The following FHIT variants were observed in gnomAD, a reference collection of about 807,000 sequenced individuals.
FHIT encodes the protein bis(5'-adenosyl)-triphosphatase.
Under a neutral mutation model 17.9 loss-of-function variants are expected in FHIT, and 19 were observed. That is an observed-to-expected ratio of 1.06 (90% CI 0.74 to 1.56). The LOEUF (loss-of-function observed/expected upper bound fraction) is 1.56, where lower values mean the gene tolerates loss of function less well. Ranked by LOEUF, FHIT falls within the 40% of genes most tolerant of loss-of-function variation. The pLI is 0.00. For missense variants in FHIT, 248 were observed against 189.2 expected (o/e 1.31, Z -1.82); for synonymous variants, 81 against 69.7 (o/e 1.16, Z -0.81).
rs187249236 is a variant in FHIT at position 60,883,079 on chromosome 3, T to G, written c.-110-61068A>C. Reference sequence around the variant, plus strand: ...TTTCTATACACCAACAATGAACTAGTGAAAAAATAAAGCAAGAAAGCAACC... The same window carrying G: ...TTTCTATACACCAACAATGAACTAGGGAAAAAATAAAGCAAGAAAGCAACC... On this transcript the variant is annotated intron_variant, in intron 3 of 9. Coordinates refer to ENST00000492590, the MANE Select transcript of FHIT (RefSeq NM_002012.4). Among the ~76,000 whole-genome samples, 11 of 151,724 alleles carry G rather than the reference T, an allele frequency of 7.3e-5. No homozygotes were observed. The East Asian group carries it at 1.7e-3, about 24-fold the overall frequency.
At chr3:60,361,972 A>G (rs7616522) in intron 5 of FHIT, among the ~76,000 whole-genome samples, 14,099 of 152,112 alleles carry the variant, frequency 0.093, 2,173 homozygotes, top group African/African-American at 0.32. Flanking sequence ...ACACAAGTCA[A>G]CTCAAGATGT....
chr3:60,934,663 A>G (rs1461524453), intron 3 of FHIT, among the ~76,000 whole-genome samples: 1 of 152,224 alleles, frequency 6.6e-6, no homozygotes, highest in Non-Finnish European at 1.5e-5. Context: ...CTAAATCTCA[A>G]AGGAGTATCC....
intron 7 of FHIT, among the ~76,000 whole-genome samples, chr3:59,996,149 C>T (rs757151048): frequency 2.0e-5 from 3 of 152,100 alleles, no homozygotes; most frequent in East Asian, 3.9e-4. Context: ...CCTCCCCATT[C>T]GTGCTCTTAT....
At chr3:60,715,747 T>C (rs1410926737) in intron 4 of FHIT, among the ~76,000 whole-genome samples, 2 of 152,060 alleles carry the variant, frequency 1.3e-5, no homozygotes, top group Non-Finnish European at 2.9e-5. Context: ...ATTGTGCTCA[T>C]GTACCCTAAA....
At chr3:60,612,890 T>C (rs2107735256) in intron 4 of FHIT, among the ~76,000 whole-genome samples, 1 of 152,274 alleles carries the variant, frequency 6.6e-6, no homozygotes, top group East Asian at 1.9e-4. Context: ...ATGCAGTATC[T>C]CAGGTAACTG....
At chr3:59,754,910 G>T (rs577876220) in intron 8 of FHIT, among the ~76,000 whole-genome samples, 2 of 152,166 alleles carry the variant, frequency 1.3e-5, no homozygotes, top group South Asian at 2.1e-4. Flanking sequence ...AACCCTGGTT[G>T]GTTGCCCACT....
chr3:60,173,197 A>G (rs1164603401), intron 5 of FHIT, among the ~76,000 whole-genome samples: 1 of 152,130 alleles, frequency 6.6e-6, no homozygotes, highest in Admixed American at 6.6e-5. Context: ...TCTCAGGTTG[A>G]AAGATCATGA....
intron 3 of FHIT, among the ~76,000 whole-genome samples, chr3:60,867,340 C>A (rs1480377972): frequency 6.6e-6 from 1 of 152,064 alleles, no homozygotes; most frequent in Non-Finnish European, 1.5e-5. Flanking sequence ...CACAAAGATG[C>A]AAATATGTAT....
chr3:59,810,943 T>G (rs894722076), intron 8 of FHIT, among the ~76,000 whole-genome samples: 2 of 152,240 alleles, frequency 1.3e-5, no homozygotes, highest in African/African-American at 4.8e-5. Context: ...AAAACATGTC[T>G]GTTGAAAGTG....
intron 5 of FHIT, among the ~76,000 whole-genome samples, chr3:60,518,994 G>A (rs1341396202): frequency 6.6e-6 from 1 of 152,190 alleles, no homozygotes; most frequent in Admixed American, 6.5e-5. Context: ...AACAGAGTGA[G>A]ACTGTCTAAA....
chr3:59,889,029 A>C (rs1335001260), intron 8 of FHIT, among the ~76,000 whole-genome samples: 2 of 152,228 alleles, frequency 1.3e-5, no homozygotes, highest in African/African-American at 4.8e-5. Context: ...CAGGGCCCTC[A>C]TAACCTAATC....
chr3:60,395,309 T>G (rs917312516), intron 5 of FHIT, among the ~76,000 whole-genome samples: 1 of 152,154 alleles, frequency 6.6e-6, no homozygotes, highest in African/African-American at 2.4e-5. Context: ...GAGCATTTTA[T>G]ATGGACTGTC....
At chr3:59,888,924 G>A (rs1703738321) in intron 8 of FHIT, among the ~76,000 whole-genome samples, 1 of 152,166 alleles carries the variant, frequency 6.6e-6, no homozygotes, top group African/African-American at 2.4e-5. Context: ...CATGGTGAAA[G>A]GCATCACATA....
At chr3:60,102,413 G>A (rs556436140) in intron 5 of FHIT, among the ~76,000 whole-genome samples, 3 of 152,144 alleles carry the variant, frequency 2.0e-5, no homozygotes, top group Non-Finnish European at 4.4e-5. Context: ...TGCAACATGG[G>A]GCGAGTAAGC....
At chr3:60,020,216 A>T (rs1014913196) in intron 5 of FHIT, among the ~76,000 whole-genome samples, 1 of 152,254 alleles carries the variant, frequency 6.6e-6, no homozygotes, top group African/African-American at 2.4e-5. Context: ...TGATAAGTTC[A>T]AAATTTGCTC....
intron 5 of FHIT, among the ~76,000 whole-genome samples, chr3:60,479,526 G>C (rs144566897): frequency 1.3e-3 from 194 of 152,272 alleles, no homozygotes; most frequent in African/African-American, 4.5e-3. Flanking sequence ...TTATGTGTTT[G>C]CAGTGATGCT....
intron 2 of FHIT, among the ~76,000 whole-genome samples, chr3:61,092,504 T>C (rs903510787): frequency 6.7e-6 from 1 of 148,502 alleles, no homozygotes; most frequent in African/African-American, 2.5e-5. Flanking sequence ...CCCTTAAAAA[T>C]ATATATATAT....
At chr3:59,977,438 G>T (rs1708463855) in intron 7 of FHIT, among the ~76,000 whole-genome samples, 1 of 152,104 alleles carries the variant, frequency 6.6e-6, no homozygotes, top group Non-Finnish European at 1.5e-5. Flanking sequence ...TGCCAAACCA[G>T]CACTGATGTA....
At chr3:60,286,446 T>C (rs947283455) in intron 5 of FHIT, among the ~76,000 whole-genome samples, 6 of 152,154 alleles carry the variant, frequency 3.9e-5, no homozygotes, top group Non-Finnish European at 4.4e-5. Flanking sequence ...CAAATTTTAT[T>C]GAAGGGAATT....
Sources: gnomAD v4.1 joint callset for allele counts (sites outside exome capture counted in the v4.1 genomes callset) on GRCh38, gnomAD v4.1.1 for gene constraint, MANE v1.5 for transcripts, NCBI Gene and HGNC (gene_info 2026-07-23, HGNC 2026-07-21) for gene names.